The following IQANK1 variants were observed in gnomAD, a reference collection of about 807,000 sequenced individuals.
IQANK1 encodes the protein IQ motif and ankyrin repeat containing 1.
In IQANK1, 30 loss-of-function variants were observed where a neutral mutation model predicts 22.6. That is an observed-to-expected ratio of 1.33 (90% CI 0.99 to 1.80). IQANK1 has a LOEUF of 1.80. IQANK1 is among the 40% of genes most tolerant of loss of function. The pLI, the probability that IQANK1 is intolerant of heterozygous loss-of-function variation, is 0.00. For missense variants in IQANK1, 275 were observed against 235.2 expected (o/e 1.17, Z -1.11); for synonymous variants, 122 against 99.6 (o/e 1.23, Z -1.34).
chr8:143,778,524 T>C (rs1819734155), intron 7 of IQANK1, among the ~76,000 whole-genome samples: 1 of 152,126 alleles, frequency 6.6e-6, no homozygotes, highest in Admixed American at 6.5e-5. Context: ...CTATGAGAAC[T>C]ACAAGGAGAA....
Position 143,790,413 on chromosome 8 carries a change from G to A in IQANK1, c.1488G>A (p.Gln496=). Residue 496 remains glutamine (Q), a synonymous_variant, in exon 14 of 14, where the codon CAG becomes CAA. Coordinates refer to ENST00000527139, the MANE Select transcript of IQANK1 (RefSeq NM_001381874.1). ...ACCTGTTCCCAGTCGTGCAGCGGCA[G>A]CTGGAGGCGGTGCAGGAGAGGTACC... ...EEDLFPVVQR[Q]LEAVQERYLS... The A allele has an allele frequency of 1.4e-6, 1 of 733,662 alleles. No individual in the cohort carries two copies. Among genetic ancestry groups the A allele is most frequent in the East Asian group, 3.4e-5 (1 of 29,320 alleles). 45.4% of individuals were successfully genotyped at this position (733,662 alleles called of 1,614,324 possible). A position where few individuals can be genotyped will look rare whatever the true frequency, so the allele number is the denominator to read the frequency against.
chr8:143,742,626 T>C lies in IQANK1; in HGVS notation c.175+2678T>C, dbSNP rs1255812450. ...GGGAAGGCAGCATTCCAGGAGCTGC[T>C]TTCCAAAAGAAGAATAGCCTCCACC... On this transcript the variant is annotated intron_variant, in intron 3 of 13. Coordinates refer to ENST00000527139, the MANE Select transcript of IQANK1 (RefSeq NM_001381874.1). 17 of 455,930 alleles carry C rather than the reference T, an allele frequency of 3.7e-5. 1 individual carries two copies. The Middle Eastern group carries it at 2.9e-3, about 78-fold the overall frequency. 28.2% of individuals were successfully genotyped at this position (455,930 alleles called of 1,614,324 possible).
At chr8:143,736,955 C>A (rs1818755642) in intron 2 of IQANK1, among the ~76,000 whole-genome samples, 1 of 152,144 alleles carries the variant, frequency 6.6e-6, no homozygotes, top group African/African-American at 2.4e-5. Flanking sequence ...ATCCTGCTCC[C>A]CAGACTGCCC....
chr8:143,763,293 C>T (rs782231685), intron 3 of IQANK1, among the ~76,000 whole-genome samples: 6 of 152,190 alleles, frequency 3.9e-5, no homozygotes, highest in Non-Finnish European at 5.9e-5. Flanking sequence ...GGATTACAGG[C>T]GTGAGCCACC....
rs542589551 is a variant in IQANK1 at position 143,753,871 on chromosome 8, T to G, written c.175+13923T>G. The stretch of plus-strand genomic sequence containing the variant: ...AAAACTGGACATTTGAATCTAATAA[T>G]GTGGTAACTCTGGAAATCAGACTCT... On this transcript the variant is annotated intron_variant, in intron 3 of 13. Transcript: ENST00000527139. 2.6e-5 allele frequency among the ~76,000 whole-genome samples: 4 copies of G among 152,312 alleles called. No individual in the cohort carries two copies. In the South Asian group the frequency reaches 8.3e-4, roughly 32 times the overall value.
rs539099594 is a variant in IQANK1 at position 143,787,510 on chromosome 8, G to A, written c.790-1405G>A. ...CAGGATGGCAGTTACCCAAGGCCAC[G>A]CCGCGCCACTGCTTCTCTCCCTCTC... On this transcript the variant is annotated intron_variant, in intron 7 of 13. Transcript: ENST00000527139. Among the ~76,000 whole-genome samples the A allele has an allele frequency of 1.6e-4, 25 of 152,164 alleles. 1 individual carries two copies. The East Asian group carries it at 2.1e-3, about 13-fold the overall frequency.
At chr8:143,768,265 C>T (rs1200875701) in intron 3 of IQANK1, among the ~76,000 whole-genome samples, 3 of 152,016 alleles carry the variant, frequency 2.0e-5, no homozygotes, top group East Asian at 1.9e-4. Context: ...ATGGGGCTTA[C>T]GGTGCGGGAA....
At chr8:143,772,886 G>A (rs1456734631) in intron 7 of IQANK1, among the ~76,000 whole-genome samples, 1 of 152,194 alleles carries the variant, frequency 6.6e-6, no homozygotes, top group African/African-American at 2.4e-5. Flanking sequence ...CACGGCGCTG[G>A]GGGCAGCACG....
At chr8:143,753,302 C>T (rs1819231447) in intron 3 of IQANK1, among the ~76,000 whole-genome samples, 1 of 152,058 alleles carries the variant, frequency 6.6e-6, no homozygotes, top group Non-Finnish European at 1.5e-5. Context: ...GTGTGAGCCA[C>T]CGCACCTGGC....
At chr8:143,748,194 C>T (rs1032277929) in intron 3 of IQANK1, among the ~76,000 whole-genome samples, 1 of 151,282 alleles carries the variant, frequency 6.6e-6, no homozygotes, top group African/African-American at 2.4e-5. Flanking sequence ...AGGGCTTTAC[C>T]GTGTTGCCCA....
intron 3 of IQANK1, among the ~76,000 whole-genome samples, chr8:143,765,958 C>T (rs1261174038): frequency 1.3e-5 from 2 of 152,126 alleles, no homozygotes; most frequent in African/African-American, 4.8e-5. Context: ...TTTTTGGGGG[C>T]ACACACCTGG....
chr8:143,780,501 G>A (rs1819777825), intron 7 of IQANK1, among the ~76,000 whole-genome samples: 1 of 152,024 alleles, frequency 6.6e-6, no homozygotes, highest in Admixed American at 6.6e-5. Context: ...GTAGATCCTA[G>A]TATCTGTTGT....
chr8:143,738,623 C>T (rs1334126573), intron 2 of IQANK1, among the ~76,000 whole-genome samples: 11 of 152,222 alleles, frequency 7.2e-5, no homozygotes, highest in African/African-American at 2.7e-4. Context: ...GAGGAGGCAG[C>T]GCAGCAGCCA....
At chr8:143,759,831 G>C (rs1379966653) in intron 3 of IQANK1, 1 of 152,200 alleles carries the variant, frequency 6.6e-6, no homozygotes, top group Non-Finnish European at 1.5e-5. Context: ...AAATTGCAGG[G>C]CTTCCATTTA....
chr8:143,759,539 A>G (rs1268614115), intron 3 of IQANK1: 1 of 152,296 alleles, frequency 6.6e-6, no homozygotes, highest in East Asian at 1.9e-4. Context: ...TTTCCAGGCC[A>G]ATGGCTCACT....
intron 3 of IQANK1, among the ~76,000 whole-genome samples, chr8:143,766,725 T>C (rs931903804): frequency 2.6e-5 from 4 of 152,114 alleles, no homozygotes; most frequent in South Asian, 2.1e-4. Flanking sequence ...TTCTTTTGGG[T>C]ATTTTTTGTG....
chr8:143,741,094 T>G (rs1818901650), intron 3 of IQANK1, among the ~76,000 whole-genome samples: 1 of 152,064 alleles, frequency 6.6e-6, no homozygotes, highest in Non-Finnish European at 1.5e-5. Flanking sequence ...GGGTGTCACT[T>G]TTTCCAGGTG....
intron 3 of IQANK1, among the ~76,000 whole-genome samples, chr8:143,748,875 A>AAT (rs1416097006): frequency 2.2e-5 from 2 of 91,824 alleles, no homozygotes; most frequent in African/African-American, 1.7e-4. Context: ...TAAATATATA[A>AAT]ATATATATAT....
At chr8:143,739,823 C>G (rs1197389344) in intron 2 of IQANK1, 36 bp from the exon 3 acceptor site, 2 of 681,168 alleles carry the variant, frequency 2.9e-6, no homozygotes, top group Non-Finnish European at 5.4e-6. Context: ...ATGGGGGTCT[C>G]TCATCCCAAG....
Sources: allele counts gnomAD v4.1 joint callset (sites outside exome capture counted in the v4.1 genomes callset), GRCh38; gene constraint gnomAD v4.1.1; transcripts MANE v1.5; gene names NCBI Gene and HGNC (gene_info 2026-07-23, HGNC 2026-07-21).